The following NHS variants were observed in gnomAD, a reference collection of about 807,000 sequenced individuals.
NHS encodes the protein actin remodeling regulator NHS.
NHS carries 5 observed loss-of-function variants against 72.5 expected under a neutral mutation model. The ratio of observed to expected loss-of-function variants is 0.07; its 90% CI spans 0.04 to 0.14. The LOEUF is 0.14. Among genes scored for constraint, NHS ranks in the 10% least tolerant of loss-of-function variants. The probability of loss-of-function intolerance (pLI) is 1.00; values close to 1 mark genes in which losing one functional copy is unlikely to be tolerated. For synonymous variants in NHS, 464 were observed against 547.7 expected, an observed-to-expected ratio of 0.85 and a Z score of 2.13; for missense variants, 1,072 against 1,355.7, an observed-to-expected ratio of 0.79 and a Z score of 3.29.
chrX:17,485,395 A>G (rs1569264663), intron 1 of NHS, among the ~76,000 whole-genome samples: 3 of 112,585 alleles, frequency 2.7e-5, no homozygotes, highest in Non-Finnish European at 3.8e-5. Context: ...TGGGGTCCAA[A>G]TGGAATAATC....
chrX:17,506,549 A>ATAAAT (rs2065059561), intron 1 of NHS, among the ~76,000 whole-genome samples: 1 of 104,905 alleles, frequency 9.5e-6, no homozygotes, highest in African/African-American at 3.5e-5. Flanking sequence ...AAATAAATAA[A>ATAAAT]TAAATAAATA....
intron 1 of NHS, among the ~76,000 whole-genome samples, chrX:17,505,471 C>T (rs1844277361): frequency 9.0e-6 from 1 of 111,685 alleles, no homozygotes; most frequent in African/African-American, 3.3e-5. Context: ...TTAGGTATTA[C>T]CAAGCTTTTA....
chrX:17,466,686 A>G (rs897151508), intron 1 of NHS, among the ~76,000 whole-genome samples: 1 of 111,996 alleles, frequency 8.9e-6, no homozygotes, highest in Non-Finnish European at 1.9e-5. Context: ...GACCCCTAGC[A>G]TCTCCTTTGT....
At chrX:17,574,694 C>T (rs1246347678) in intron 1 of NHS, among the ~76,000 whole-genome samples, 1 of 111,724 alleles carries the variant, frequency 9.0e-6, no homozygotes, top group Non-Finnish European at 1.9e-5. Flanking sequence ...GCTCACCCTC[C>T]ATGGGCTGCA....
chrX:17,521,690 A>G (rs1411930213), intron 1 of NHS, among the ~76,000 whole-genome samples: 3 of 111,945 alleles, frequency 2.7e-5, no homozygotes, highest in African/African-American at 9.8e-5. Context: ...TCCTACAAAT[A>G]TCTATTACAT....
At chrX:17,546,120 T>C (rs924327238) in intron 1 of NHS, among the ~76,000 whole-genome samples, 7 of 111,850 alleles carry the variant, frequency 6.3e-5, no homozygotes, top group African/African-American at 2.3e-4. Flanking sequence ...TGCTGGTGTC[T>C]CAGAGGGGGT....
At chrX:17,660,073 T>C (rs768789255) in intron 1 of NHS, among the ~76,000 whole-genome samples, 10 of 112,099 alleles carry the variant, frequency 8.9e-5, no homozygotes, top group South Asian at 7.5e-4. Context: ...GGGGAGTCAT[T>C]TGTAAATTTG....
At chrX:17,572,491 C>CTTTTTTTTTTTTTTTTTTTTTTTTT (rs760577193) in intron 1 of NHS, among the ~76,000 whole-genome samples, 1 of 46,774 alleles carries the variant, frequency 2.1e-5, no homozygotes, top group African/African-American at 1.3e-4. Context: ...GCAACCCCTG[C>CTTTTTTTTTTTTTTTTTTTTTTTTT]TTTTTTTTTT....
intron 1 of NHS, among the ~76,000 whole-genome samples, chrX:17,523,729 A>G (rs1180131949): frequency 9.0e-6 from 1 of 111,568 alleles, no homozygotes; most frequent in Admixed American, 9.5e-5. Flanking sequence ...CTCACACCTC[A>G]ATAAAAGCCC....
chrX:17,720,884 A>C (rs1438851423), intron 4 of NHS, among the ~76,000 whole-genome samples: 1 of 112,332 alleles, frequency 8.9e-6, no homozygotes, highest in Non-Finnish European at 1.9e-5. Flanking sequence ...ATGAAACTGA[A>C]TTTTTAAAAT....
chrX:17,571,568 T>C (rs1387405014), intron 1 of NHS, among the ~76,000 whole-genome samples: 1 of 112,029 alleles, frequency 8.9e-6, no homozygotes, highest in Non-Finnish European at 1.9e-5. Flanking sequence ...CTTTTCTTTA[T>C]TAGTCTTGCT....
chrX:17,432,113 G>A (rs1207182672), intron 1 of NHS, among the ~76,000 whole-genome samples: 1 of 112,593 alleles, frequency 8.9e-6, no homozygotes, highest in East Asian at 2.8e-4. Context: ...TACCCAGGGG[G>A]TAAACACAGC....
chrX:17,428,075 A>T (rs748068775), intron 1 of NHS, among the ~76,000 whole-genome samples: 1 of 112,291 alleles, frequency 8.9e-6, no homozygotes, highest in Non-Finnish European at 1.9e-5. Context: ...TGTATATCAT[A>T]TACATGCTTT....
intron 3 of NHS, among the ~76,000 whole-genome samples, chrX:17,712,243 TTG>T (rs777863207): frequency 2.9e-5 from 2 of 68,323 alleles, no homozygotes; most frequent in Non-Finnish European, 5.0e-5. Context: ...TATTGGCCTT[TTG>T]TGTGTGTGTA....
intron 1 of NHS, among the ~76,000 whole-genome samples, chrX:17,379,699 C>T (rs1363278188): frequency 1.5e-4 from 17 of 111,823 alleles, no homozygotes; most frequent in Admixed American, 6.6e-4. Flanking sequence ...TGCTTGGATC[C>T]GGGAGGCAGA....
chrX:17,565,320 C>T lies in NHS; in HGVS notation c.566-122422C>T, dbSNP rs138210457. 5.2e-4 allele frequency among the ~76,000 whole-genome samples: 58 copies of T among 111,978 alleles called. No individual in the cohort carries two copies. The East Asian group carries it at 0.016, about 31-fold the overall frequency. Reference sequence around the variant, plus strand: ...TCAGATCTTCCAGTCTGCTGACCCTCCAGCCAAATCCAGTCAAATGAGTGA... The same window carrying T: ...TCAGATCTTCCAGTCTGCTGACCCTTCAGCCAAATCCAGTCAAATGAGTGA... On this transcript the variant is annotated intron_variant, in intron 1 of 8. Coordinates refer to ENST00000676302, the MANE Select transcript of NHS (RefSeq NM_001291867.2).
intron 1 of NHS, among the ~76,000 whole-genome samples, chrX:17,510,333 C>A (rs1601740244): frequency 8.9e-6 from 1 of 112,212 alleles, no homozygotes; most frequent in Non-Finnish European, 1.9e-5. Flanking sequence ...GCCCACCACA[C>A]TTCTCCCTGA....
At chrX:17,445,689 G>T (rs182429782) in intron 1 of NHS, among the ~76,000 whole-genome samples, 90 of 95,433 alleles carry the variant, frequency 9.4e-4, no homozygotes, top group African/African-American at 3.3e-3. Context: ...AACAATTGCT[G>T]TCTTTGCATT....
intron 1 of NHS, among the ~76,000 whole-genome samples, chrX:17,451,208 G>A (rs2064803963): frequency 1.8e-5 from 2 of 111,825 alleles, no homozygotes; most frequent in Admixed American, 1.9e-4. Flanking sequence ...TACTAGAAAA[G>A]CTAACATTAC....
Sources: gnomAD v4.1 joint callset for allele counts (sites outside exome capture counted in the v4.1 genomes callset) on GRCh38, gnomAD v4.1.1 for gene constraint, MANE v1.5 for transcripts, NCBI Gene and HGNC (gene_info 2026-07-23, HGNC 2026-07-21) for gene names.